The following BABAM2 variants were observed in gnomAD, a reference collection of about 807,000 sequenced individuals.
BABAM2 encodes the protein BRISC and BRCA1 A complex member 2.
In BABAM2, 31 loss-of-function variants were observed where a neutral mutation model predicts 54.7. That is an observed-to-expected ratio of 0.57 (90% confidence interval 0.43 to 0.77). BABAM2 has a LOEUF of 0.77. BABAM2 is among the 30% of genes least tolerant of loss of function. BABAM2 has a pLI of 0.00. For synonymous variants in BABAM2, 167 were observed against 162.9 expected (o/e 1.03, Z -0.19); for missense variants, 364 against 455.8 (o/e 0.80, Z 1.83).
chr2:28,040,406 T>C (rs1222194199), intron 5 of BABAM2, among the ~76,000 whole-genome samples: 2 of 145,268 alleles, frequency 1.4e-5, no homozygotes, highest in Non-Finnish European at 3.0e-5. Context: ...GTTCACGCCA[T>C]TCTCCTGCCT....
chr2:28,231,291 C>T (rs975705098), intron 7 of BABAM2, among the ~76,000 whole-genome samples: 1 of 152,068 alleles, frequency 6.6e-6, no homozygotes, highest in African/African-American at 2.4e-5. Flanking sequence ...GAAACATAAT[C>T]TAGTATTACA....
intron 7 of BABAM2, among the ~76,000 whole-genome samples, chr2:28,147,692 C>G (rs1017831384): frequency 6.6e-6 from 1 of 152,130 alleles, no homozygotes; most frequent in African/African-American, 2.4e-5. Flanking sequence ...CCAGGATGGT[C>G]TCGATCTCCT....
At chr2:27,946,059 T>C (rs1669275359) in intron 3 of BABAM2, among the ~76,000 whole-genome samples, 1 of 152,220 alleles carries the variant, frequency 6.6e-6, no homozygotes, top group African/African-American at 2.4e-5. Flanking sequence ...CAATACCTAA[T>C]AGCCAGTGGC....
At chr2:28,080,949 A>C (rs1287582557) in intron 6 of BABAM2, among the ~76,000 whole-genome samples, 1 of 152,220 alleles carries the variant, frequency 6.6e-6, no homozygotes, top group Non-Finnish European at 1.5e-5. Context: ...GAACATTAAG[A>C]ACCTTCGTCT....
chr2:27,922,442 C>T (rs1231535866), intron 2 of BABAM2, among the ~76,000 whole-genome samples: 1 of 152,158 alleles, frequency 6.6e-6, no homozygotes, highest in Non-Finnish European at 1.5e-5. Flanking sequence ...CATTTTATTG[C>T]GTCAATGATT....
intron 7 of BABAM2, among the ~76,000 whole-genome samples, chr2:28,158,951 A>G (rs1672801734): frequency 6.6e-6 from 1 of 152,204 alleles, no homozygotes; most frequent in Non-Finnish European, 1.5e-5. Flanking sequence ...ATTCTGCTTT[A>G]ATGCATGTCT....
At chr2:28,288,689 GA>G (rs1234383560) in intron 10 of BABAM2, among the ~76,000 whole-genome samples, 1 of 152,126 alleles carries the variant, frequency 6.6e-6, no homozygotes, top group Non-Finnish European at 1.5e-5. Flanking sequence ...ATGGGTTATT[GA>G]ATCTTTTCCT....
chr2:28,169,853 G>A lies in BABAM2; in HGVS notation c.680+40473G>A, dbSNP rs1674127705. On this transcript the variant is annotated intron_variant, in intron 7 of 11. Transcript: ENST00000379624. ...GCATAACAGAATCCTGTTAGTCATT[G>A]AAAAAAAAAGCAAAAACAAAAACCA... is the stretch of plus-strand genomic sequence containing the variant. Among the ~76,000 whole-genome samples the A allele has an allele frequency of 4.8e-5, 7 of 147,322 alleles. No homozygotes were observed. In the South Asian group the frequency reaches 1.5e-3, roughly 32 times the overall value.
intron 7 of BABAM2, among the ~76,000 whole-genome samples, chr2:28,163,657 A>G (rs746274742): frequency 3.9e-5 from 6 of 152,158 alleles, no homozygotes; most frequent in Admixed American, 2.0e-4. Context: ...GAAGTTGTGA[A>G]CCCAGCCAGA....
chr2:28,178,162 C>T (rs1401313473), intron 7 of BABAM2, among the ~76,000 whole-genome samples: 6 of 152,076 alleles, frequency 3.9e-5, no homozygotes, highest in Non-Finnish European at 7.4e-5. Flanking sequence ...CAGACATCTA[C>T]GGTATATTCT....
chr2:27,997,140 A>G (rs577127612), intron 4 of BABAM2, among the ~76,000 whole-genome samples: 2 of 152,336 alleles, frequency 1.3e-5, no homozygotes, highest in Admixed American at 1.3e-4. Context: ...TTCAATAACA[A>G]ATTATTAAAA....
chr2:28,027,400 C>A (rs1451060817), intron 5 of BABAM2, among the ~76,000 whole-genome samples: 1 of 152,156 alleles, frequency 6.6e-6, no homozygotes, highest in Non-Finnish European at 1.5e-5. Flanking sequence ...GAGCAACCAC[C>A]ACCATTATCC....
At chr2:27,999,088 A>T (rs555047381) in intron 4 of BABAM2, among the ~76,000 whole-genome samples, 2 of 152,160 alleles carry the variant, frequency 1.3e-5, no homozygotes, top group Admixed American at 1.3e-4. Flanking sequence ...TCTTCTGTAC[A>T]TTTGTGAGAA....
intron 3 of BABAM2, among the ~76,000 whole-genome samples, chr2:27,973,287 A>G (rs1238588629): frequency 6.6e-6 from 1 of 152,116 alleles, no homozygotes; most frequent in Non-Finnish European, 1.5e-5. Context: ...AAATTTGTTT[A>G]TCTTTTCTTT....
Position 28,129,395 on chromosome 2 carries a change from C to A in BABAM2, c.680+15C>A. Reference sequence around the variant, plus strand: ...CGAATTGAGCAGTAAGTGTCATTAACATGAGGTAGCCTGGTGCTACTTCTT... The same window carrying A: ...CGAATTGAGCAGTAAGTGTCATTAAAATGAGGTAGCCTGGTGCTACTTCTT... On this transcript the variant is annotated intron_variant, in intron 7 of 11. Transcript: ENST00000379624. 3.8e-6 allele frequency: 6 copies of A among 1,591,174 alleles called. No individual in the cohort carries two copies. Among genetic ancestry groups the A allele is most frequent in the Non-Finnish European group, 5.2e-6 (6 of 1,159,094 alleles).
Position 28,177,227 on chromosome 2 carries a change from C to T in BABAM2, c.680+47847C>T, listed in dbSNP as rs72855634. Among the ~76,000 whole-genome samples the T allele has an allele frequency of 4.7e-3, 715 of 151,384 alleles. 3 individuals are homozygous for T. Among genetic ancestry groups the T allele is most frequent in the African/African-American group, 0.017 (685 of 41,226 alleles). ...AAGAGATTTCTCAGCAGAAACTTTA[C>T]AGGCCAGGAGAAAATGGCCTATTCG... On this transcript the variant is annotated intron_variant, in intron 7 of 11. Coordinates refer to ENST00000379624, the MANE Select transcript of BABAM2 (RefSeq NM_199191.3).
chr2:28,009,428 A>G (rs1215642673), intron 4 of BABAM2, among the ~76,000 whole-genome samples: 1 of 152,158 alleles, frequency 6.6e-6, no homozygotes, highest in African/African-American at 2.4e-5. Context: ...TTAATTATTA[A>G]TAAATGCTCT....
chr2:28,217,470 C>T (rs968085113), intron 7 of BABAM2, among the ~76,000 whole-genome samples: 5 of 152,198 alleles, frequency 3.3e-5, no homozygotes, highest in Admixed American at 6.5e-5. Flanking sequence ...CTTTAATTTT[C>T]ACAGTAGCCC....
Position 27,969,683 on chromosome 2 carries a change from C to T in BABAM2, c.206-18310C>T, listed in dbSNP as rs548934788. Among the ~76,000 whole-genome samples the T allele has an allele frequency of 9.2e-5, 14 of 151,840 alleles. No homozygotes were observed. In the East Asian group the frequency reaches 1.4e-3, roughly 15 times the overall value. On this transcript the variant is annotated intron_variant, in intron 3 of 11. Transcript: ENST00000379624. ...TCTTTCTCAAACTGAGGTTGGGGCT[C>T]GGGACGGGGGAGGAGGTTATTTTGC...
Sources: allele counts gnomAD v4.1 joint callset (sites outside exome capture counted in the v4.1 genomes callset), GRCh38; gene constraint gnomAD v4.1.1; transcripts MANE v1.5; gene names NCBI Gene and HGNC (gene_info 2026-07-23, HGNC 2026-07-21).